NOMO1: variants seen among roughly 807,000 people sequenced by gnomAD.
The protein encoded by NOMO1 is nodal modulator 3.
In NOMO1, 40 loss-of-function variants were observed where a neutral mutation model predicts 133.8. The observed-to-expected ratio is 0.30, with a 90% CI of 0.23 to 0.39. The LOEUF (loss-of-function observed/expected upper bound fraction) is 0.39. Ranked by LOEUF, NOMO1 falls within the 10% of genes least tolerant of loss-of-function variation. The pLI, the probability that NOMO1 is intolerant of heterozygous loss-of-function variation, is 1.00. For synonymous variants in NOMO1, 236 were observed against 570.5 expected, an observed-to-expected ratio of 0.41 and a Z score of 8.36; for missense variants, 462 against 1,419.9, an observed-to-expected ratio of 0.33 and a Z score of 10.84.
At position 14,894,244 on chromosome 16, in the gene NOMO1, G is replaced by A. The variant is rs375240002; in HGVS notation, c.3445-754G>A. ...CAGGCCCCTTCTGTCTCATTGCGCTGTTCCAGTGCATTGCTTTTCTCCAAA... is the reference window on the plus strand; with the variant it reads ...CAGGCCCCTTCTGTCTCATTGCGCTATTCCAGTGCATTGCTTTTCTCCAAA... On this transcript the variant is annotated intron_variant, in intron 29 of 30. Coordinates refer to ENST00000287667, the MANE Select transcript of NOMO1 (RefSeq NM_014287.4). Among the ~76,000 whole-genome samples the A allele has an allele frequency of 1.6e-3, 248 of 152,240 alleles. 1 individual carries two copies. Among genetic ancestry groups the A allele is most frequent in the Middle Eastern group, 0.014 (4 of 294 alleles).
At chr16:14,837,453 C>G (rs1362475756) in intron 1 of NOMO1, among the ~76,000 whole-genome samples, 1 of 152,090 alleles carries the variant, frequency 6.6e-6, no homozygotes, top group Non-Finnish European at 1.5e-5. Flanking sequence ...CCACGCAACA[C>G]GTGGAAGACT....
intron 22 of NOMO1, 40 bp from the exon 23 acceptor site, chr16:14,878,681 G>A (rs1419913143): frequency 1.3e-6 from 2 of 1,552,238 alleles, no homozygotes; most frequent in South Asian, 1.1e-5. Flanking sequence ...ATAGTTAGTA[G>A]GAGTTTAACC....
At chr16:14,845,612 C>T (rs1963668732) in intron 4 of NOMO1, among the ~76,000 whole-genome samples, 1 of 151,964 alleles carries the variant, frequency 6.6e-6, no homozygotes, top group African/African-American at 2.4e-5. Flanking sequence ...AGTCATTTCT[C>T]CTCCACCTGC....
Position 14,882,659 on chromosome 16 carries a change from C to G in NOMO1, c.3093C>G (p.Pro1031=). 5.6e-6 allele frequency: 9 copies of G among 1,611,626 alleles called. No individual in the cohort carries two copies. The highest frequency in any genetic ancestry group is 7.6e-6 in the Non-Finnish European group (9 of 1,179,778). ...ACGACCACATTGAGCGGGCGCTCCC[C>G]CACCATAGGGTGATTGAGGTAAGGC... The part of the protein sequence containing the change: ...EGNDHIERAL[P]HHRVIEVGNN... Residue 1031 remains proline (P), a synonymous_variant, in exon 26 of 31, where the codon CCC becomes CCG. Transcript: ENST00000287667.
intron 29 of NOMO1, among the ~76,000 whole-genome samples, 174 bp from the exon 30 acceptor site, chr16:14,894,824 T>C (rs531857812): frequency 2.0e-5 from 3 of 152,344 alleles, no homozygotes; most frequent in Admixed American, 6.5e-5. Context: ...TGGGAAAATA[T>C]ATCCAAATCA....
rs776816389 is a variant in NOMO1 at position 14,889,184 on chromosome 16, A to G, written c.3413A>G (p.His1138Arg). The change falls in exon 29 of 31, where the codon CAT (histidine) becomes CGT (arginine). Residue 1138 changes from histidine (H) to arginine (R), a missense_variant. Physicochemically the swap from His to Arg is conservative, Grantham distance 29. Coordinates refer to ENST00000287667, the MANE Select transcript of NOMO1 (RefSeq NM_014287.4). ...GTTTCTTTCACCGCAGTGGGCTACC[A>G]TAAACACATCACCTTGATTTTTAAT... is the stretch of plus-strand genomic sequence containing the variant. ...PQVSFTAVGY[H>R]KHITLIFNPT... 29 of 1,611,476 alleles carry G rather than the reference A, an allele frequency of 1.8e-5. 1 individual carries two copies. The highest frequency in any genetic ancestry group is 1.6e-4 in the South Asian group (15 of 90,948).
intron 26 of NOMO1, among the ~76,000 whole-genome samples, chr16:14,883,893 T>C (rs1210676531): frequency 6.7e-6 from 1 of 149,012 alleles, no homozygotes; most frequent in African/African-American, 2.5e-5. Flanking sequence ...TCCTTCTCCT[T>C]TTTTTTTTAA....
In NOMO1 at chr16:14,837,001, G is replaced by A. The variant is rs1230549918; in HGVS notation, c.166-1406G>A. Reference sequence around the variant, plus strand: ...ATTACAGGCGTGAGCCACCGCGCCCGGCCCCATTTTACTTATTTTATTTTG... The same window carrying A: ...ATTACAGGCGTGAGCCACCGCGCCCAGCCCCATTTTACTTATTTTATTTTG... On this transcript the variant is annotated intron_variant, in intron 1 of 30. Coordinates refer to ENST00000287667, the MANE Select transcript of NOMO1 (RefSeq NM_014287.4). Among the ~76,000 whole-genome samples the A allele has an allele frequency of 1.3e-5, 2 of 152,020 alleles. 1 individual carries two copies. Among genetic ancestry groups the A allele is most frequent in the East Asian group, 3.9e-4 (2 of 5,154 alleles).
chr16:14,868,529 A>T lies in NOMO1; in HGVS notation c.1807-19A>T. On this transcript the variant is annotated intron_variant, in intron 15 of 30. Coordinates refer to ENST00000287667, the MANE Select transcript of NOMO1 (RefSeq NM_014287.4). The stretch of plus-strand genomic sequence containing the variant: ...CTCCATCTCTCTTAGTAGTCATTGT[A>T]TTGGCTTTGCTTCCTTAGGAATTTT... The T allele has an allele frequency of 6.2e-7, 1 of 1,611,600 alleles. No homozygotes were observed. The highest frequency in any genetic ancestry group is 8.5e-7 in the Non-Finnish European group (1 of 1,179,280).
At chr16:14,889,018 C>A in intron 28 of NOMO1, 78 bp from the exon 29 acceptor site, 1 of 1,609,014 alleles carries the variant, frequency 6.2e-7, no homozygotes, top group Non-Finnish European at 8.5e-7. Context: ...TACATCACAG[C>A]CATACGTTAG....
intron 15 of NOMO1, among the ~76,000 whole-genome samples, chr16:14,867,061 C>T (rs1964007121): frequency 2.3e-5 from 3 of 133,296 alleles, no homozygotes; most frequent in African/African-American, 5.7e-5. Flanking sequence ...ACCTACTTCT[C>T]AGGGTTATGG....
At chr16:14,860,277 A>G (rs1963903436) in intron 11 of NOMO1, among the ~76,000 whole-genome samples, 1 of 151,388 alleles carries the variant, frequency 6.6e-6, no homozygotes, top group Admixed American at 6.6e-5. Flanking sequence ...CTGAGGCAGG[A>G]GAATCGCTTG....
chr16:14,869,692 A>G (rs1964054187), intron 16 of NOMO1, among the ~76,000 whole-genome samples: 1 of 151,210 alleles, frequency 6.6e-6, no homozygotes, highest in Admixed American at 6.6e-5. Flanking sequence ...TGTTATGACT[A>G]ATGTTACGGA....
At chr16:14,853,681 T>C (rs1963793231) in intron 8 of NOMO1, 77 bp downstream of exon 8, 4 of 1,608,478 alleles carry the variant, frequency 2.5e-6, no homozygotes, top group Admixed American at 3.4e-5. Context: ...GTTTGGGTGT[T>C]AAAGGAAAAG....
At chr16:14,860,330 T>C (rs1187149977) in intron 11 of NOMO1, among the ~76,000 whole-genome samples, 2 of 149,252 alleles carry the variant, frequency 1.3e-5, no homozygotes, top group African/African-American at 5.0e-5. Flanking sequence ...ATTGCACCAT[T>C]GCACTCCAGC....
intron 24 of NOMO1, among the ~76,000 whole-genome samples, chr16:14,881,126 G>A (rs1466724377): frequency 6.6e-6 from 1 of 152,052 alleles, no homozygotes; most frequent in African/African-American, 2.4e-5. Context: ...TGTATTTTTT[G>A]TAGACTTATA....
chr16:14,876,401 G>T lies in NOMO1; in HGVS notation c.2399G>T (p.Gly800Val). The change falls in exon 21 of 31, where the codon GGC becomes GTC. Residue 800 changes from glycine to valine, a missense_variant. Physicochemically the swap from Gly to Val is moderately radical, Grantham distance 109. Coordinates refer to ENST00000287667, the MANE Select transcript of NOMO1 (RefSeq NM_014287.4). ...GKLIEIHGKA[G>V]LFLEGQIHPE... ...CTGATCGAGATCCATGGGAAGGCAG[G>T]CCTGTTTTTAGAAGGCCAGATCCAC... 1 of 1,611,240 alleles carries T rather than the reference G, an allele frequency of 6.2e-7. No homozygotes were observed. Among genetic ancestry groups the T allele is most frequent in the Non-Finnish European group, 8.5e-7 (1 of 1,179,742 alleles).
intron 11 of NOMO1, 30 bp from the exon 12 acceptor site, chr16:14,862,983 G>T: frequency 6.2e-7 from 1 of 1,609,938 alleles, no homozygotes; most frequent in Non-Finnish European, 8.5e-7. Flanking sequence ...TTGAGTCCTC[G>T]TGCTGGAATG....
At position 14,857,294 on chromosome 16, in the gene NOMO1, A is replaced by G. The variant is rs1963855895; in HGVS notation, c.1041A>G (p.Ala347=). The G allele has an allele frequency of 1.3e-6, 2 of 1,599,608 alleles. No homozygotes were observed. Among genetic ancestry groups the G allele is most frequent in the Non-Finnish European group, 1.7e-6 (2 of 1,169,018 alleles). ...NGPEGDGVPE[A]VVTLNNQIKV... is the part of the protein sequence containing the mutation. ...CCGAAGGAGATGGTGTTCCAGAAGC[A>G]GTAGTCACCCTGAATAACCAAATCA... The change falls in exon 10 of 31, where the codon GCA becomes GCG. Residue 347 remains alanine, a synonymous_variant. Coordinates refer to ENST00000287667, the MANE Select transcript of NOMO1 (RefSeq NM_014287.4).
Sources: gnomAD v4.1 joint callset for allele counts (sites outside exome capture counted in the v4.1 genomes callset) on GRCh38, gnomAD v4.1.1 for gene constraint, MANE v1.5 for transcripts, NCBI Gene and HGNC (gene_info 2026-07-23, HGNC 2026-07-21) for gene names.